GPHN: variants seen among roughly 807,000 people sequenced by gnomAD.
GPHN encodes the protein gephyrin.
A neutral mutation model predicts 95.5 loss-of-function variants in GPHN; 17 were observed. That is an observed-to-expected ratio of 0.18 (90% confidence interval 0.12 to 0.27). GPHN has a LOEUF of 0.27. Ranked by LOEUF, GPHN falls within the 10% of genes least tolerant of loss-of-function variation. The pLI is 1.00. For missense variants in GPHN, 660 were observed against 978.1 expected, an observed-to-expected ratio of 0.67 and a Z score of 4.34; for synonymous variants, 320 against 322.5, an observed-to-expected ratio of 0.99 and a Z score of 0.08.
chr14:67,645,481 T>C, the GPHN span, among the ~76,000 whole-genome samples: 1 of 152,210 alleles, frequency 6.6e-6, no homozygotes, highest in Non-Finnish European at 1.5e-5. Flanking sequence ...AGATTAATTT[T>C]TGAGAACTAC....
intron 1 of GPHN, among the ~76,000 whole-genome samples, chr14:66,599,355 T>A (rs2062120130): frequency 6.6e-6 from 1 of 151,358 alleles, no homozygotes; most frequent in Non-Finnish European, 1.5e-5. Context: ...TTTATTATCC[T>A]TTTACCTCTG....
At chr14:67,537,301 A>G in the GPHN span, among the ~76,000 whole-genome samples, 2 of 148,564 alleles carry the variant, frequency 1.3e-5, no homozygotes, top group Admixed American at 1.3e-4. Context: ...CCGAGATTGC[A>G]CCATTGTACT....
chr14:67,255,946 C>G, the GPHN span, among the ~76,000 whole-genome samples: 55 of 152,328 alleles, frequency 3.6e-4, no homozygotes, highest in Admixed American at 8.5e-4. Context: ...TTTGGCCTCC[C>G]AAAGTGCTGG....
chr14:67,410,841 T>C, the GPHN span, among the ~76,000 whole-genome samples: 1 of 152,092 alleles, frequency 6.6e-6, no homozygotes, highest in Non-Finnish European at 1.5e-5. Context: ...AAATGGTTAG[T>C]GTTAATGTCA....
intron 9 of GPHN, among the ~76,000 whole-genome samples, chr14:67,021,124 G>A (rs972083641): frequency 2.0e-5 from 3 of 152,028 alleles, no homozygotes; most frequent in Non-Finnish European, 2.9e-5. Context: ...GTTTCATGGT[G>A]CAAGAGAAAA....
At chr14:66,641,403 GT>G (rs2064402011) in intron 1 of GPHN, among the ~76,000 whole-genome samples, 1 of 152,134 alleles carries the variant, frequency 6.6e-6, no homozygotes, top group Non-Finnish European at 1.5e-5. Flanking sequence ...CTTACAGTGG[GT>G]TTCTCAGGAT....
the GPHN span, among the ~76,000 whole-genome samples, chr14:67,389,321 CAGGG>C: frequency 1.3e-5 from 2 of 152,212 alleles, no homozygotes; most frequent in South Asian, 4.1e-4. Flanking sequence ...AGGGCAGTCT[CAGGG>C]AGGACAGGAG....
At chr14:66,840,712 A>G (rs2062038565) in intron 4 of GPHN, among the ~76,000 whole-genome samples, 1 of 147,166 alleles carries the variant, frequency 6.8e-6, no homozygotes, top group Admixed American at 7.0e-5. Context: ...AAATACAAAG[A>G]TCACTTATAG....
the GPHN span, chr14:67,301,915 A>G: frequency 1.3e-6 from 2 of 1,531,160 alleles, no homozygotes; most frequent in South Asian, 1.3e-5. Flanking sequence ...GTTAAAAATC[A>G]CTCTGCAGAA....
chr14:66,532,342 A>G (rs1259888359), intron 1 of GPHN, among the ~76,000 whole-genome samples: 1 of 152,140 alleles, frequency 6.6e-6, no homozygotes, highest in Non-Finnish European at 1.5e-5. Flanking sequence ...TATATGGCTG[A>G]TTCCTTAGCC....
the GPHN span, chr14:67,343,322 G>C: frequency 7.1e-7 from 1 of 1,406,766 alleles, no homozygotes; most frequent in Admixed American, 1.8e-5. Flanking sequence ...TTCACGACAA[G>C]TGGAGGGTAT....
At chr14:67,281,101 G>C in the GPHN span, among the ~76,000 whole-genome samples, 1 of 151,836 alleles carries the variant, frequency 6.6e-6, no homozygotes, top group African/African-American at 2.4e-5. Flanking sequence ...GTTTCACCAT[G>C]TTGGTCAGGC....
the GPHN span, among the ~76,000 whole-genome samples, chr14:67,327,251 G>A: frequency 6.6e-6 from 1 of 152,288 alleles, no homozygotes; most frequent in East Asian, 1.9e-4. Flanking sequence ...GTAGACCTAT[G>A]TTTTCATTTC....
the GPHN span, among the ~76,000 whole-genome samples, chr14:67,193,990 G>T: frequency 7.8e-6 from 1 of 128,442 alleles, no homozygotes; most frequent in Non-Finnish European, 1.6e-5. Context: ...AAAACAGAAA[G>T]AAAGAAATTA....
the GPHN span, among the ~76,000 whole-genome samples, chr14:67,231,066 G>A: frequency 6.6e-6 from 1 of 152,118 alleles, no homozygotes; most frequent in East Asian, 1.9e-4. Flanking sequence ...TACCATCCAA[G>A]GTTTCAGGCA....
chr14:67,351,677 T>TTTC, the GPHN span, among the ~76,000 whole-genome samples: 10 of 151,576 alleles, frequency 6.6e-5, no homozygotes, highest in South Asian at 2.1e-4. Context: ...CTCTGCTAAT[T>TTTC]TTCTTCTTCT....
intron 1 of GPHN, among the ~76,000 whole-genome samples, chr14:66,583,141 A>G (rs1221204563): frequency 1.5e-4 from 23 of 151,868 alleles, no homozygotes; most frequent in African/African-American, 4.1e-4. Context: ...GCCAGTGATG[A>G]TGAGCATTTT....
intron 18 of GPHN, among the ~76,000 whole-genome samples, chr14:67,144,242 A>ATATATATATATATGTATATATAT (rs1567399860): frequency 1.5e-5 from 1 of 68,078 alleles, no homozygotes; most frequent in African/African-American, 7.9e-5. Flanking sequence ...GTCTTAAAAA[A>ATATATATATATATGTATATATAT]AAAAAAAAAT....
chr14:67,398,271 C>G, the GPHN span, among the ~76,000 whole-genome samples: 1 of 152,120 alleles, frequency 6.6e-6, no homozygotes, highest in Non-Finnish European at 1.5e-5. Flanking sequence ...AAGAGACAGG[C>G]TGGAGTACAG....
Sources: allele counts gnomAD v4.1 joint callset (sites outside exome capture counted in the v4.1 genomes callset), GRCh38; gene constraint gnomAD v4.1.1; transcripts MANE v1.5; gene names NCBI Gene and HGNC (gene_info 2026-07-23, HGNC 2026-07-21).